The following GALNT11 variants were observed in gnomAD, a reference collection of about 807,000 sequenced individuals.
GALNT11 encodes the protein UDP-GalNAc:polypeptide N-acetylgalactosaminyltransferase 11.
GALNT11 carries 47 observed loss-of-function variants against 72.7 expected under a neutral mutation model. The observed-to-expected ratio is 0.65, with a 90% CI of 0.51 to 0.82. The LOEUF (loss-of-function observed/expected upper bound fraction) is 0.82. Among genes scored for constraint, GALNT11 ranks in the 40% least tolerant of loss-of-function variants. The probability of loss-of-function intolerance (pLI) is 0.00; values close to 1 mark genes in which losing one functional copy is unlikely to be tolerated. For missense variants in GALNT11, 677 were observed against 778.4 expected, an observed-to-expected ratio of 0.87 and a Z score of 1.55; for synonymous variants, 270 against 286.6, an observed-to-expected ratio of 0.94 and a Z score of 0.58.
In GALNT11 at chr7:152,111,174, G is replaced by GGGT. The variant is rs569316466; in HGVS notation, c.1080+530_1080+532dup. 1.0e-3 allele frequency among the ~76,000 whole-genome samples: 155 copies of GGGT among 151,972 alleles called. 1 individual carries two copies. The highest frequency in any genetic ancestry group is 1.9e-3 in the Non-Finnish European group (128 of 67,974). On this transcript the variant is annotated intron_variant, in intron 7 of 11. Coordinates refer to ENST00000430044, the MANE Select transcript of GALNT11 (RefSeq NM_022087.4). The stretch of plus-strand genomic sequence containing the variant: ...TATTGGTATTTATTTTTTTGAGACA[G>GGGT]GGTCTTGCTCCGCTGCCCAGGTTGG...
intron 1 of GALNT11, among the ~76,000 whole-genome samples, chr7:152,062,752 T>C (rs1416310445): frequency 6.6e-6 from 1 of 152,246 alleles, no homozygotes; most frequent in African/African-American, 2.4e-5. Flanking sequence ...GTTCCGTTTA[T>C]ATGGTAGATT....
At chr7:152,107,180 C>CTGA (rs1446373805) in intron 5 of GALNT11, 1 of 151,774 alleles carries the variant, frequency 6.6e-6, no homozygotes, top group Admixed American at 6.6e-5. Context: ...ATAATGTGAC[C>CTGA]TGATGATGTC....
chr7:152,046,061 G>A (rs1000319178), intron 1 of GALNT11, among the ~76,000 whole-genome samples: 10 of 151,952 alleles, frequency 6.6e-5, no homozygotes, highest in African/African-American at 2.2e-4. Context: ...GGTCATTCAG[G>A]TGCATATTGT....
chr7:152,118,856 C>T (rs760952082), intron 10 of GALNT11, 74 bp downstream of exon 10: 36 of 1,160,904 alleles, frequency 3.1e-5, no homozygotes, highest in Non-Finnish European at 4.4e-5. Flanking sequence ...CTGCCAGTCA[C>T]TCCTGAGGAC....
At chr7:152,058,794 A>T (rs2083839578) in intron 1 of GALNT11, among the ~76,000 whole-genome samples, 1 of 152,222 alleles carries the variant, frequency 6.6e-6, no homozygotes, top group Non-Finnish European at 1.5e-5. Flanking sequence ...TTTATCAACT[A>T]AATTTAGTAA....
intron 3 of GALNT11, among the ~76,000 whole-genome samples, chr7:152,102,494 A>G (rs1279295746): frequency 6.6e-6 from 1 of 152,040 alleles, no homozygotes; most frequent in Non-Finnish European, 1.5e-5. Context: ...GTGAGCCGAG[A>G]TCGCGCCACA....
intron 4 of GALNT11, chr7:152,104,356 A>G (rs2087295625): frequency 6.6e-6 from 1 of 152,196 alleles, no homozygotes; most frequent in Non-Finnish European, 1.5e-5. Flanking sequence ...ATTAAGTACC[A>G]CTTGTATCAA....
intron 1 of GALNT11, among the ~76,000 whole-genome samples, chr7:152,072,351 G>A (rs1244391935): frequency 6.6e-6 from 1 of 150,858 alleles, no homozygotes; most frequent in Non-Finnish European, 1.5e-5. Context: ...AAATTCTAAT[G>A]TGTAGAAAGC....
intron 1 of GALNT11, among the ~76,000 whole-genome samples, chr7:152,051,198 T>G (rs1429057238): frequency 2.9e-5 from 4 of 139,646 alleles, no homozygotes; most frequent in Non-Finnish European, 4.5e-5. Context: ...TATATCTGGT[T>G]GTTTTTTTTT....
chr7:152,071,342 T>C (rs1260801812), intron 1 of GALNT11, among the ~76,000 whole-genome samples: 3 of 152,234 alleles, frequency 2.0e-5, no homozygotes, highest in African/African-American at 7.2e-5. Flanking sequence ...CCCAGGGATG[T>C]TCCTTGCTGA....
chr7:152,097,070 C>T (rs558801276), intron 2 of GALNT11, among the ~76,000 whole-genome samples: 3 of 152,176 alleles, frequency 2.0e-5, no homozygotes, highest in African/African-American at 7.2e-5. Context: ...TCAAGCCATT[C>T]GCCTGCCTTT....
intron 1 of GALNT11, among the ~76,000 whole-genome samples, chr7:152,052,506 T>G (rs1400890264): frequency 6.6e-6 from 1 of 152,212 alleles, no homozygotes; most frequent in East Asian, 1.9e-4. Flanking sequence ...CTTCTTCACA[T>G]TTTAAAAACT....
chr7:152,109,434 T>G (rs1481847984), intron 6 of GALNT11, among the ~76,000 whole-genome samples: 1 of 152,258 alleles, frequency 6.6e-6, no homozygotes, highest in East Asian at 1.9e-4. Flanking sequence ...ATTGGCTGCT[T>G]ACATTTTTTT....
chr7:152,109,642 A>T (rs989492956), intron 6 of GALNT11, among the ~76,000 whole-genome samples: 1 of 151,986 alleles, frequency 6.6e-6, no homozygotes, highest in Non-Finnish European at 1.5e-5. Flanking sequence ...TTTTGTTTTC[A>T]TGTGATTTTA....
chr7:152,047,810 C>G (rs1483879793), intron 1 of GALNT11, among the ~76,000 whole-genome samples: 2 of 150,668 alleles, frequency 1.3e-5, no homozygotes, highest in Non-Finnish European at 2.9e-5. Context: ...ACTCCATTCC[C>G]TGCTTTTAAA....
At position 152,117,610 on chromosome 7, in the gene GALNT11, C is replaced by T. The variant is rs1189223960; in HGVS notation, c.1452+235C>T. 28 of 558,006 alleles carry T rather than the reference C, an allele frequency of 5.0e-5. No individual in the cohort carries two copies. In the East Asian group the frequency reaches 6.0e-4, roughly 12 times the overall value. 34.6% of individuals were successfully genotyped at this position (558,006 alleles called of 1,614,324 possible). A position where few individuals can be genotyped will look rare whatever the true frequency, so the allele number is the denominator to read the frequency against. On this transcript the variant is annotated intron_variant, in intron 9 of 11. Transcript: ENST00000430044. ...CCTTCTGTGAGGGTAAGTTATGTGA[C>T]GCTTTCCAAGAGCGCAGAGGCATAT...
intron 1 of GALNT11, among the ~76,000 whole-genome samples, chr7:152,072,009 C>CAAAAAA (rs11366450): frequency 1.5e-5 from 1 of 67,010 alleles, no homozygotes; most frequent in Non-Finnish European, 3.5e-5. Flanking sequence ...AACTCTGTCT[C>CAAAAAA]AAAAAAAAAA....
At chr7:152,052,685 C>A (rs2083458639) in intron 1 of GALNT11, among the ~76,000 whole-genome samples, 2 of 152,254 alleles carry the variant, frequency 1.3e-5, no homozygotes, top group Middle Eastern at 3.4e-3. Context: ...CTGGGTTCTT[C>A]CTCCTCCACA....
chr7:152,034,419 C>T (rs2082455524), intron 1 of GALNT11, among the ~76,000 whole-genome samples: 1 of 152,090 alleles, frequency 6.6e-6, no homozygotes. Flanking sequence ...CTCAGGTGGC[C>T]ATTTTTCCCC....
Sources: allele counts gnomAD v4.1 joint callset (sites outside exome capture counted in the v4.1 genomes callset), GRCh38; gene constraint gnomAD v4.1.1; transcripts MANE v1.5; gene names NCBI Gene and HGNC (gene_info 2026-07-23, HGNC 2026-07-21).